The following LRRK2 variants were observed in gnomAD, a reference collection of about 807,000 sequenced individuals.
LRRK2 encodes the protein leucine-rich repeat serine/threonine-protein kinase 2.
A neutral mutation model predicts 302.6 loss-of-function variants in LRRK2; 203 were observed. That is an observed-to-expected ratio of 0.67 (90% confidence interval 0.60 to 0.75). The LOEUF (loss-of-function observed/expected upper bound fraction) is 0.75. Among genes scored for constraint, LRRK2 ranks in the 30% least tolerant of loss-of-function variants. The pLI, the probability that LRRK2 is intolerant of heterozygous loss-of-function variation, is 0.00. For synonymous variants in LRRK2, 1,066 were observed against 1,031.9 expected, an observed-to-expected ratio of 1.03 and a Z score of -0.63; for missense variants, 2,830 against 2,951.0, an observed-to-expected ratio of 0.96 and a Z score of 0.95.
intron 14 of LRRK2, among the ~76,000 whole-genome samples, chr12:40,273,845 C>T (rs922443223): frequency 6.6e-6 from 1 of 152,048 alleles, no homozygotes; most frequent in African/African-American, 2.4e-5. Flanking sequence ...GCGTTTTCTT[C>T]TTGGTTGATG....
At chr12:40,351,212 G>A (rs951576323) in intron 43 of LRRK2, among the ~76,000 whole-genome samples, 15 of 151,994 alleles carry the variant, frequency 9.9e-5, no homozygotes, top group African/African-American at 2.2e-4. Flanking sequence ...TCTCACTGGC[G>A]GTGGCTCTGC....
In LRRK2 at chr12:40,278,008, G is replaced by C. The variant is rs915684208; in HGVS notation, c.2062G>C (p.Asp688His). 1.9e-6 allele frequency: 3 copies of C among 1,613,548 alleles called. No individual in the cohort carries two copies. The highest frequency in any genetic ancestry group is 2.5e-6 in the Non-Finnish European group (3 of 1,179,950). The change falls in exon 17 of 51, where the codon GAT becomes CAT. Residue 688 changes from aspartate (D) to histidine (H), a missense_variant. Coordinates refer to ENST00000298910, the MANE Select transcript of LRRK2 (RefSeq NM_198578.4). ...QMSSNIMEQKDQQFLNLCCKC... is the reference protein window; with the variant it reads ...QMSSNIMEQKHQQFLNLCCKC... ...GTCTTCCAATATCATGGAACAAAAG[G>C]ATCAACAGGTACAGTGTTTTTCACT...
intron 6 of LRRK2, 67 bp from the exon 7 acceptor site, chr12:40,243,483 C>T (rs2094020409): frequency 6.4e-6 from 10 of 1,569,220 alleles, no homozygotes; most frequent in Non-Finnish European, 8.7e-6. Flanking sequence ...TATAAGACGT[C>T]TTTGTATGCA....
intron 33 of LRRK2, among the ~76,000 whole-genome samples, chr12:40,317,664 C>A (rs1945266659): frequency 6.6e-6 from 1 of 152,002 alleles, no homozygotes; most frequent in Admixed American, 6.6e-5. Context: ...GCAATTTAAC[C>A]TTGATAAAAA....
intron 48 of LRRK2, among the ~76,000 whole-genome samples, chr12:40,364,275 C>A (rs890180232): frequency 1.3e-5 from 2 of 149,528 alleles, no homozygotes; most frequent in African/African-American, 5.0e-5. Context: ...GTGAGAAGGG[C>A]TCACAGTTTA....
chr12:40,238,210 A>G, intron 5 of LRRK2, 107 bp downstream of exon 5: 1 of 1,159,210 alleles, frequency 8.6e-7, no homozygotes, highest in South Asian at 1.4e-5. Context: ...AAATCCTACT[A>G]TTTATTAAGA....
chr12:40,225,387 C>A, intron 1 of LRRK2, 105 bp downstream of exon 1: 1 of 1,421,682 alleles, frequency 7.0e-7, no homozygotes, highest in Non-Finnish European at 9.8e-7. Flanking sequence ...CAAACCCGGA[C>A]TCTTAAGGAG....
chr12:40,349,102 A>G (rs1213835610), intron 43 of LRRK2, among the ~76,000 whole-genome samples: 2 of 152,104 alleles, frequency 1.3e-5, no homozygotes, highest in East Asian at 1.9e-4. Context: ...TGACATTTTT[A>G]TCTGTATCCC....
intron 46 of LRRK2, among the ~76,000 whole-genome samples, chr12:40,358,185 C>T (rs1286747219): frequency 2.0e-5 from 3 of 151,844 alleles, no homozygotes; most frequent in Non-Finnish European, 2.9e-5. Context: ...AATGGATCCT[C>T]TCTATATTGT....
chr12:40,363,524 G>C lies in LRRK2; in HGVS notation c.7151G>C (p.Cys2384Ser). ...TGGGATAAGAAAACTGAAAAACTCT[G>C]TGGACTAATAGACTGCGTGCACTTT... is the stretch of plus-strand genomic sequence containing the variant. ...EVWDKKTEKL[C>S]GLIDCVHFLR... The change falls in exon 48 of 51, where the codon TGT becomes TCT. Residue 2384 changes from cysteine to serine, a missense_variant. By Grantham distance (112) the Cys-to-Ser change is moderately radical (BLOSUM62 -1). This residue lies in a region of LRRK2 where 456 missense variants were observed against 456.3 expected (regional missense o/e 1.00). Coordinates refer to ENST00000298910, the MANE Select transcript of LRRK2 (RefSeq NM_198578.4). 1 of 1,611,962 alleles carries C rather than the reference G, an allele frequency of 6.2e-7. No homozygotes were observed. Among genetic ancestry groups the C allele is most frequent in the Non-Finnish European group, 8.5e-7 (1 of 1,178,638 alleles).
chr12:40,269,541 C>T (rs1432924513), intron 14 of LRRK2, among the ~76,000 whole-genome samples: 3 of 152,020 alleles, frequency 2.0e-5, no homozygotes, highest in Non-Finnish European at 4.4e-5. Context: ...GTAGCATGAG[C>T]AATAATGGAA....
Position 40,251,359 on chromosome 12 carries a change from G to T in LRRK2, c.1086G>T (p.Lys362Asn). Reference protein sequence around the residue: ...ACYKALTWHRKNKHVQEAACW... With the variant: ...ACYKALTWHRNNKHVQEAACW... ...ACAAAGCATTAACGTGGCATAGAAA[G>T]AACAAGCACGTGCAGGTAGGACTCT... Residue 362 changes from lysine to asparagine, a missense_variant, in exon 9 of 51, where the codon AAG (lysine) becomes AAT (asparagine). By Grantham distance (94) the Lys-to-Asn change is moderately conservative. Coordinates refer to ENST00000298910, the MANE Select transcript of LRRK2 (RefSeq NM_198578.4). The T allele has an allele frequency of 6.2e-7, 1 of 1,613,914 alleles. No individual in the cohort carries two copies. The highest frequency in any genetic ancestry group is 8.5e-7 in the Non-Finnish European group (1 of 1,179,896).
At chr12:40,361,350 T>G (rs17520606) in intron 47 of LRRK2, among the ~76,000 whole-genome samples, 5,462 of 152,188 alleles carry the variant, frequency 0.036, 329 homozygotes, top group African/African-American at 0.12. Flanking sequence ...ATTATTTTTA[T>G]TTTTCAAATT....
In LRRK2 at chr12:40,368,111, A is replaced by G. The variant is rs17520676; in HGVS notation, c.*346A>G. The G allele has an allele frequency of 4.6e-3, 795 of 174,058 alleles. 10 individuals carry two copies. The highest frequency in any genetic ancestry group is 0.018 in the African/African-American group (757 of 41,770). The allele number at this position is 174,058 out of a possible 1,614,324, so 10.8% of individuals were successfully genotyped here. On this transcript the variant is annotated 3_prime_UTR_variant, in exon 51 of 51. Transcript: ENST00000298910. ...CTTGTCTGTAATGGAGGTAAACTTT[A>G]TTTTAAATTCTGTGCTTAAGACAGG...
chr12:40,248,810 G>T (rs1186360542), intron 7 of LRRK2, among the ~76,000 whole-genome samples: 1 of 152,196 alleles, frequency 6.6e-6, no homozygotes, highest in African/African-American at 2.4e-5. Context: ...ATAGGGAAAA[G>T]AGACTGATGG....
intron 41 of LRRK2, among the ~76,000 whole-genome samples, chr12:40,342,193 T>G (rs1048697531): frequency 6.6e-6 from 1 of 152,194 alleles, no homozygotes; most frequent in African/African-American, 2.4e-5. Context: ...GCTCTGCTTC[T>G]TCACTCTGTG....
At position 40,302,239 on chromosome 12, in the gene LRRK2, T is replaced by C. The variant is rs1047770871; in HGVS notation, c.3497-550T>C. On this transcript the variant is annotated intron_variant, in intron 25 of 50. Coordinates refer to ENST00000298910, the MANE Select transcript of LRRK2 (RefSeq NM_198578.4). Reference sequence around the variant, plus strand: ...AAAAATCATAAAATATACCAGAGTATTGAGAACTCAGATATTTTACTTTAT... The same window carrying C: ...AAAAATCATAAAATATACCAGAGTACTGAGAACTCAGATATTTTACTTTAT... Among the ~76,000 whole-genome samples, 5 of 151,956 alleles carry C rather than the reference T, an allele frequency of 3.3e-5. 1 individual carries two copies. Among genetic ancestry groups the C allele is most frequent in the Admixed American group, 1.3e-4 (2 of 15,250 alleles).
At chr12:40,257,744 C>T (rs11564208) in intron 12 of LRRK2, among the ~76,000 whole-genome samples, 1,975 of 152,238 alleles carry the variant, frequency 0.013, 53 homozygotes, top group African/African-American at 0.041. Context: ...TCTTTCACAA[C>T]GAATATATTA....
intron 14 of LRRK2, among the ~76,000 whole-genome samples, chr12:40,271,946 G>C (rs1943245663): frequency 6.6e-6 from 1 of 152,076 alleles, no homozygotes; most frequent in South Asian, 2.1e-4. Flanking sequence ...AAGCTTGTTA[G>C]ATGTAGAGAT....
Sources: gnomAD v4.1 joint callset for allele counts (sites outside exome capture counted in the v4.1 genomes callset) on GRCh38, gnomAD v4.1.1 for gene constraint, gnomAD v4.1.1 regional missense constraint, MANE v1.5 for transcripts, NCBI Gene and HGNC (gene_info 2026-07-23, HGNC 2026-07-21) for gene names.